PCDH9: variants seen among roughly 807,000 people sequenced by gnomAD.
PCDH9 encodes the protein protocadherin 9.
In PCDH9, 24 loss-of-function variants were observed where a neutral mutation model predicts 70.6. The observed-to-expected ratio is 0.34, with a 90% CI of 0.25 to 0.48. PCDH9 has a LOEUF of 0.48. Ranked by LOEUF, PCDH9 falls within the 20% of genes least tolerant of loss-of-function variation. PCDH9 has a pLI of 0.99. For missense variants in PCDH9, 1,281 were observed against 1,503.6 expected (o/e 0.85, Z 2.45); for synonymous variants, 562 against 558.5 (o/e 1.01, Z -0.09).
At chr13:67,105,871 T>C (rs1018514338) in intron 2 of PCDH9, among the ~76,000 whole-genome samples, 2 of 151,566 alleles carry the variant, frequency 1.3e-5, no homozygotes, top group South Asian at 4.1e-4. Context: ...CAAGAATACA[T>C]ATATGTTTTT....
At chr13:66,990,796 T>A (rs2083987393) in intron 2 of PCDH9, 1 of 151,730 alleles carries the variant, frequency 6.6e-6, no homozygotes, top group Non-Finnish European at 1.5e-5. Flanking sequence ...GTAATCATCA[T>A]CCAGCAGATA....
At chr13:66,735,561 A>G (rs1234971301) in intron 3 of PCDH9, among the ~76,000 whole-genome samples, 3 of 152,210 alleles carry the variant, frequency 2.0e-5, no homozygotes, top group African/African-American at 4.8e-5. Context: ...GTATGAAGGA[A>G]CTGTGTTTTA....
chr13:66,532,949 C>T (rs190765039), intron 4 of PCDH9, among the ~76,000 whole-genome samples: 284 of 152,192 alleles, frequency 1.9e-3, no homozygotes, highest in Non-Finnish European at 2.6e-3. Context: ...TGAGATGTAG[C>T]AGTTTAAAGA....
intron 4 of PCDH9, among the ~76,000 whole-genome samples, chr13:66,491,982 G>T (rs956226076): frequency 2.1e-4 from 32 of 152,032 alleles, no homozygotes; most frequent in African/African-American, 6.0e-4. Context: ...TATGTGCATG[G>T]CATTCCCCTG....
intron 3 of PCDH9, among the ~76,000 whole-genome samples, chr13:66,890,149 A>G (rs149476634): frequency 6.6e-6 from 1 of 152,308 alleles, no homozygotes; most frequent in African/African-American, 2.4e-5. Flanking sequence ...GATGTTCTCT[A>G]CATGGAAAAG....
chr13:66,393,241 T>C (rs1957048506), intron 4 of PCDH9, among the ~76,000 whole-genome samples: 1 of 152,080 alleles, frequency 6.6e-6, no homozygotes, highest in Non-Finnish European at 1.5e-5. Context: ...AGAATACAGG[T>C]GGTATTTCAT....
chr13:66,867,462 A>G lies in PCDH9; in HGVS notation c.3138+36042T>C, dbSNP rs557231434. On this transcript the variant is annotated intron_variant, in intron 3 of 4. Transcript: ENST00000377865. ...AGTGTGTGATGTTGAGCTACTGAAA[A>G]GGACATAATTTAATATTTTCATATG... Among the ~76,000 whole-genome samples the G allele has an allele frequency of 3.3e-5, 5 of 152,278 alleles. No individual in the cohort carries two copies. In the South Asian group the frequency reaches 6.2e-4, roughly 19 times the overall value.
intron 4 of PCDH9, among the ~76,000 whole-genome samples, chr13:66,409,697 A>G (rs1293209422): frequency 6.6e-6 from 1 of 152,236 alleles, no homozygotes; most frequent in Non-Finnish European, 1.5e-5. Context: ...ACATAGGCTC[A>G]TGGGTAATCT....
At chr13:66,713,625 G>GTGTATATATATATATATA (rs1379996611) in intron 3 of PCDH9, among the ~76,000 whole-genome samples, 14 of 110,012 alleles carry the variant, frequency 1.3e-4, no homozygotes, top group African/African-American at 4.8e-4. Flanking sequence ...GTGTGTGTGT[G>GTGTATATATATATATATA]TATATATATA....
intron 2 of PCDH9, among the ~76,000 whole-genome samples, chr13:66,963,935 C>T (rs2083391054): frequency 6.6e-6 from 1 of 151,902 alleles, no homozygotes; most frequent in Non-Finnish European, 1.5e-5. Flanking sequence ...AGGTTAAGTT[C>T]ATGTGTCAAG....
rs145561308 is a variant in PCDH9, at chr13:66,498,751, C to G, written c.3340+132459G>C. Reference sequence around the variant, plus strand: ...TTTTAATGTACTGTTGATGTGGTATCCCGTATTAAGTGCGTAATACCTAAA... The same window carrying G: ...TTTTAATGTACTGTTGATGTGGTATGCCGTATTAAGTGCGTAATACCTAAA... On this transcript the variant is annotated intron_variant, in intron 4 of 4. Coordinates refer to ENST00000377865, the MANE Select transcript of PCDH9 (RefSeq NM_203487.3). 1.5e-3 allele frequency among the ~76,000 whole-genome samples: 233 copies of G among 152,098 alleles called. 2 individuals carry two copies. Among genetic ancestry groups the G allele is most frequent in the Middle Eastern group, 3.4e-3 (1 of 292 alleles).
chr13:66,921,263 C>A (rs185691682), intron 2 of PCDH9, among the ~76,000 whole-genome samples: 2 of 151,100 alleles, frequency 1.3e-5, no homozygotes, highest in Admixed American at 6.6e-5. Context: ...TATTGAATAG[C>A]ATTTTAAAAT....
At chr13:67,059,601 G>C (rs74589424) in intron 2 of PCDH9, among the ~76,000 whole-genome samples, 1 of 151,164 alleles carries the variant, frequency 6.6e-6, no homozygotes, top group Non-Finnish European at 1.5e-5. Flanking sequence ...AGAGAGTCCA[G>C]GCACATACGG....
intron 2 of PCDH9, among the ~76,000 whole-genome samples, chr13:66,964,121 A>C (rs796768410): frequency 1.3e-5 from 2 of 152,240 alleles, no homozygotes; most frequent in African/African-American, 2.4e-5. Context: ...ATATTCAAAA[A>C]ACCAAAGATA....
intron 4 of PCDH9, among the ~76,000 whole-genome samples, chr13:66,616,484 C>CTTTTTTTTTT (rs60587237): frequency 8.6e-6 from 1 of 116,668 alleles, no homozygotes; most frequent in Non-Finnish European, 1.7e-5. Flanking sequence ...TTCTAAAATT[C>CTTTTTTTTTT]TTTTTTTTTT....
At chr13:66,694,239 A>G (rs1309575534) in intron 3 of PCDH9, among the ~76,000 whole-genome samples, 2 of 152,230 alleles carry the variant, frequency 1.3e-5, no homozygotes, top group Admixed American at 6.5e-5. Flanking sequence ...ATGCATTAAC[A>G]AAAGTATAAA....
At chr13:66,464,387 A>C (rs895967878) in intron 4 of PCDH9, among the ~76,000 whole-genome samples, 3 of 151,988 alleles carry the variant, frequency 2.0e-5, no homozygotes, top group East Asian at 1.9e-4. Context: ...CATTAGTAAT[A>C]AATGTACCTG....
chr13:66,348,577 A>G (rs1185786773), intron 4 of PCDH9, among the ~76,000 whole-genome samples: 1 of 151,772 alleles, frequency 6.6e-6, no homozygotes, highest in Non-Finnish European at 1.5e-5. Flanking sequence ...TTCACTACAG[A>G]CAAGGTTTTG....
chr13:67,036,830 C>T (rs2085018368), intron 2 of PCDH9, among the ~76,000 whole-genome samples: 1 of 152,184 alleles, frequency 6.6e-6, no homozygotes, highest in Non-Finnish European at 1.5e-5. Context: ...TTTGTTAAGA[C>T]TGGCATTGGG....
Sources: gnomAD v4.1 joint callset for allele counts (sites outside exome capture counted in the v4.1 genomes callset) on GRCh38, gnomAD v4.1.1 for gene constraint, MANE v1.5 for transcripts, NCBI Gene and HGNC (gene_info 2026-07-23, HGNC 2026-07-21) for gene names.